Variants in GTF2IRD1 observed in about 807,000 individuals in gnomAD.
GTF2IRD1 encodes general transcription factor II-I repeat domain-containing protein 1.
Under a neutral mutation model 113.2 loss-of-function variants are expected in GTF2IRD1, and 26 were observed. The observed-to-expected ratio is 0.23, with a 90% CI of 0.17 to 0.32. The LOEUF is 0.32. GTF2IRD1 is among the 10% of genes least tolerant of loss of function. GTF2IRD1 has a pLI of 1.00. For synonymous variants in GTF2IRD1, 484 were observed against 529.1 expected (o/e 0.91, Z 1.17); for missense variants, 864 against 1,280.8 (o/e 0.67, Z 4.97).
At chr7:74,533,615 C>T (rs1798104875) in intron 9 of GTF2IRD1, among the ~76,000 whole-genome samples, 1 of 152,182 alleles carries the variant, frequency 6.6e-6, no homozygotes, top group Non-Finnish European at 1.5e-5. Context: ...ACCTCCACCT[C>T]CAGCCTCCAG....
chr7:74,480,663 C>A (rs114735166), intron 1 of GTF2IRD1, among the ~76,000 whole-genome samples: 1 of 152,188 alleles, frequency 6.6e-6, no homozygotes, highest in African/African-American at 2.4e-5. Flanking sequence ...ACCTGAACCG[C>A]GGAGCCGTCT....
chr7:74,501,182 G>T (rs536318307), intron 1 of GTF2IRD1, among the ~76,000 whole-genome samples: 68 of 152,166 alleles, frequency 4.5e-4, no homozygotes, highest in African/African-American at 1.5e-3. Flanking sequence ...CAGCTGGGTG[G>T]TCTCGCCTGT....
intron 17 of GTF2IRD1, among the ~76,000 whole-genome samples, chr7:74,549,801 C>G (rs587681801): frequency 3.9e-5 from 6 of 152,146 alleles, no homozygotes; most frequent in Admixed American, 3.9e-4. Flanking sequence ...TTTGAAAGGC[C>G]GAGTTAGGCA....
In GTF2IRD1 at chr7:74,533,677, C is replaced by T. The variant is rs587677850; in HGVS notation, c.1275-1436C>T. Reference sequence around the variant, plus strand: ...CTCCTGCAAAGTCTCTCCTGCTTCCCTCCCTAAGGGAAGGGCTGGCCGCTC... The same window carrying T: ...CTCCTGCAAAGTCTCTCCTGCTTCCTTCCCTAAGGGAAGGGCTGGCCGCTC... On this transcript the variant is annotated intron_variant, in intron 9 of 26. Coordinates refer to ENST00000424337, the MANE Select transcript of GTF2IRD1 (RefSeq NM_005685.4). 8.3e-4 allele frequency among the ~76,000 whole-genome samples: 126 copies of T among 152,262 alleles called. No individual in the cohort carries two copies. In the South Asian group the frequency reaches 9.5e-3, roughly 12 times the overall value.
chr7:74,539,555 C>T (rs1798504516), intron 13 of GTF2IRD1, among the ~76,000 whole-genome samples: 1 of 152,058 alleles, frequency 6.6e-6, no homozygotes, highest in Admixed American at 6.6e-5. Flanking sequence ...ACCAGCCTGG[C>T]CAACATAGTG....
chr7:74,590,838 C>T lies in GTF2IRD1; in HGVS notation c.2412C>T (p.Gly804=). ...LFNEKYGEAL[G]LNRPVLVPYK... The stretch of plus-strand genomic sequence containing the variant: ...TGTGCCCTCTAGGTGAGGCCCTGGG[C>T]CTGAACCGGCCGGTGCTGGTCCCTT... The change falls in exon 24 of 27, where the codon GGC becomes GGT. Residue 804 remains glycine (G), a synonymous_variant. Transcript: ENST00000424337. 2 of 1,602,650 alleles carry T rather than the reference C, an allele frequency of 1.2e-6. No homozygotes were observed. The highest frequency in any genetic ancestry group is 1.7e-4 in the Middle Eastern group (1 of 5,768).
At chr7:74,598,241 TTAAAAGGG>T (rs1802540592) in intron 25 of GTF2IRD1, among the ~76,000 whole-genome samples, 1 of 150,660 alleles carries the variant, frequency 6.6e-6, no homozygotes, top group Non-Finnish European at 1.5e-5. Flanking sequence ...AAAGAGCCAG[TTAAAAGGG>T]TCAGGTCTGG....
chr7:74,521,267 A>C lies in GTF2IRD1; in HGVS notation c.976A>C (p.Ile326Leu). Residue 326 changes from isoleucine (I) to leucine (L), a missense_variant, in exon 7 of 27, where the codon ATT becomes CTT. By Grantham distance (5) the Ile-to-Leu change is conservative. Coordinates refer to ENST00000424337, the MANE Select transcript of GTF2IRD1 (RefSeq NM_005685.4). Reference sequence around the variant, plus strand: ...CCAGAACGTCCATGCCTCCAAGCGCATTCTCTTCTCCATCGTCCATGACAA... The same window carrying C: ...CCAGAACGTCCATGCCTCCAAGCGCCTTCTCTTCTCCATCGTCCATGACAA... ...LIQNVHASKRILFSIVHDKSE... is the reference protein window; with the variant it reads ...LIQNVHASKRLLFSIVHDKSE... 6.2e-7 allele frequency: 1 copy of C among 1,611,662 alleles called. No individual in the cohort carries two copies.
intron 2 of GTF2IRD1, among the ~76,000 whole-genome samples, chr7:74,510,677 C>T (rs11984103): frequency 0.071 from 10,870 of 152,168 alleles, 1,193 homozygotes; most frequent in African/African-American, 0.24. Flanking sequence ...CCTCATTTTA[C>T]GTGCTCAGTA....
At position 74,518,112 on chromosome 7, in the gene GTF2IRD1, G is replaced by GCCCCTCT. The variant is rs373508085; in HGVS notation, c.422-24_422-18dup. On this transcript the variant is annotated intron_variant, in intron 4 of 26. Coordinates refer to ENST00000424337, the MANE Select transcript of GTF2IRD1 (RefSeq NM_005685.4). ...CAGCCTGGCTGCCCTCTCATACCAGGCCCCTCTCCTGGACTCTCCCCTACA... is the reference window on the plus strand; with the variant it reads ...CAGCCTGGCTGCCCTCTCATACCAGGCCCCTCTCCCCTCTCCTGGACTCTCCCCTACA... The GCCCCTCT allele has an allele frequency of 2.7e-3, 3,979 of 1,449,826 alleles. 100 individuals carry two copies. The African/African-American group carries it at 0.049, about 18-fold the overall frequency. 89.8% of individuals were successfully genotyped at this position (1,449,826 alleles called of 1,614,324 possible).
chr7:74,599,507 C>G (rs1361330721), intron 25 of GTF2IRD1, among the ~76,000 whole-genome samples: 1 of 152,042 alleles, frequency 6.6e-6, no homozygotes, highest in African/African-American at 2.4e-5. Flanking sequence ...CAGAGAGGTT[C>G]ATCAGTTTTC....
intron 1 of GTF2IRD1, among the ~76,000 whole-genome samples, chr7:74,473,514 T>TCTTG (rs1208022043): frequency 6.6e-6 from 1 of 151,860 alleles, no homozygotes; most frequent in Non-Finnish European, 1.5e-5. Context: ...AGCCTCAAAC[T>TCTTG]CTTGGCTTCA....
chr7:74,473,296 A>G (rs1794211223), intron 1 of GTF2IRD1, among the ~76,000 whole-genome samples: 1 of 152,204 alleles, frequency 6.6e-6, no homozygotes, highest in African/African-American at 2.4e-5. Flanking sequence ...CAAGGGAGGA[A>G]CCCAGTCTCA....
At chr7:74,462,801 G>T (rs1793463245) in intron 1 of GTF2IRD1, among the ~76,000 whole-genome samples, 1 of 152,196 alleles carries the variant, frequency 6.6e-6, no homozygotes, top group African/African-American at 2.4e-5. Context: ...TCTGTTTCTG[G>T]TGACTCATAC....
intron 14 of GTF2IRD1, among the ~76,000 whole-genome samples, chr7:74,540,918 C>T (rs1304367774): frequency 5.9e-5 from 9 of 151,898 alleles, no homozygotes; most frequent in African/African-American, 1.9e-4. Context: ...CCCGCCACCA[C>T]GCCTGGTTAA....
intron 22 of GTF2IRD1, among the ~76,000 whole-genome samples, chr7:74,582,752 C>T (rs1801491466): frequency 6.6e-6 from 1 of 152,138 alleles, no homozygotes. Flanking sequence ...CCCCTTTTCC[C>T]CACTGTATGC....
rs782324338 is a variant in GTF2IRD1, at chr7:74,508,080, C to T, written c.-1C>T. On this transcript the variant is annotated 5_prime_UTR_variant, in exon 2 of 27. Transcript: ENST00000424337. ...TGCCTCCTCCCTCCCCACAGGCGAC[C>T]ATGGCCTTGCTGGGTAAGCGCTGTG... is the stretch of plus-strand genomic sequence containing the variant. The T allele has an allele frequency of 6.2e-7, 1 of 1,606,208 alleles. No homozygotes were observed. Among genetic ancestry groups the T allele is most frequent in the Non-Finnish European group, 8.5e-7 (1 of 1,179,414 alleles).
chr7:74,525,113 T>A (rs1554346954), intron 8 of GTF2IRD1, among the ~76,000 whole-genome samples: 1 of 152,152 alleles, frequency 6.6e-6, no homozygotes, highest in African/African-American at 2.4e-5. Flanking sequence ...GTTGGCCTCA[T>A]GTGCAAGTCC....
At chr7:74,485,432 A>G (rs1046796046) in intron 1 of GTF2IRD1, among the ~76,000 whole-genome samples, 1 of 152,010 alleles carries the variant, frequency 6.6e-6, no homozygotes. Flanking sequence ...CCTGGCTAAC[A>G]CGGTGAAACC....
Sources: allele counts gnomAD v4.1 joint callset (sites outside exome capture counted in the v4.1 genomes callset), GRCh38; gene constraint gnomAD v4.1.1; transcripts MANE v1.5; gene names NCBI Gene and HGNC (gene_info 2026-07-23, HGNC 2026-07-21).